PCDH1: variants seen among roughly 807,000 people sequenced by gnomAD.
The protein encoded by PCDH1 is protocadherin 1.
In PCDH1, 23 loss-of-function variants were observed where a neutral mutation model predicts 74.6. The ratio of observed to expected loss-of-function variants is 0.31; its 90% CI spans 0.22 to 0.44. The LOEUF is 0.44. Ranked by LOEUF, PCDH1 falls within the 20% of genes least tolerant of loss-of-function variation. The pLI is 1.00. For synonymous variants in PCDH1, 647 were observed against 686.1 expected (o/e 0.94, Z 0.89); for missense variants, 1,214 against 1,641.4 (o/e 0.74, Z 4.50).
At position 141,863,143 on chromosome 5, in the gene PCDH1, C is replaced by G. The variant is rs1162921582; in HGVS notation, c.3099+89G>C. 12 of 1,471,816 alleles carry G rather than the reference C, an allele frequency of 8.2e-6. No homozygotes were observed. The highest frequency in any genetic ancestry group is 9.9e-6 in the Non-Finnish European group (11 of 1,109,088). The allele number at this position is 1,471,816 out of a possible 1,614,324, so 91.2% of individuals were successfully genotyped here. On this transcript the variant is annotated intron_variant, in intron 3 of 4. Coordinates refer to ENST00000287008, the MANE Select transcript of PCDH1 (RefSeq NM_032420.5). The surrounding 1 kb of genome is among the most constrained non-coding windows in gnomAD (Gnocchi z 7.5). ...AACACGGGCAGGCACAGTAAACCTG[C>G]TCCATCACTCCCACACCTCGGTCCA... is the stretch of plus-strand genomic sequence containing the variant.
chr5:141,862,632 A>G (rs1752610297), intron 3 of PCDH1: 7 of 985,582 alleles, frequency 7.1e-6, no homozygotes, highest in Non-Finnish European at 8.4e-6. Flanking sequence ...TCTCAGTTCC[A>G]GAAAATAAGA....
chr5:141,857,133 C>T (rs1160428577), intron 4 of PCDH1, 119 bp downstream of exon 4: 10 of 800,338 alleles, frequency 1.2e-5, no homozygotes, highest in South Asian at 2.0e-5. Flanking sequence ...GCCCTCAGCA[C>T]GGTGATGATG....
Position 141,857,463 on chromosome 5 carries a change from G to A in PCDH1, c.3108C>T (p.His1036=), listed in dbSNP as rs371869590. The stretch of plus-strand genomic sequence containing the variant: ...TGGTGGCCGAGAAGGTGACGCGGCG[G>A]TGAGGTAACTGCAGGGAGACAGATT... ...PPKYPSKQLP[H]RRVTFSATSQ... Residue 1036 remains histidine (H), a synonymous_variant, in exon 4 of 5, where the codon CAC becomes CAT. Transcript: ENST00000287008. The A allele has an allele frequency of 8.2e-5, 132 of 1,613,378 alleles. No individual in the cohort carries two copies. The highest frequency in any genetic ancestry group is 8.0e-4 in the Admixed American group (48 of 59,924).
Position 141,853,936 on chromosome 5 carries a change from T to C in PCDH1, c.*106A>G. Reference sequence around the variant, plus strand: ...TCAGTGATACCCCCACTTGGGGCCCTGGCCAGGAAGTCCACGCTGAAGGGG... The same window carrying C: ...TCAGTGATACCCCCACTTGGGGCCCCGGCCAGGAAGTCCACGCTGAAGGGG... On this transcript the variant is annotated 3_prime_UTR_variant, in exon 5 of 5. Transcript: ENST00000287008. 1 of 1,075,316 alleles carries C rather than the reference T, an allele frequency of 9.3e-7. No individual in the cohort carries two copies. The highest frequency in any genetic ancestry group is 1.3e-6 in the Non-Finnish European group (1 of 778,584). 66.6% of individuals were successfully genotyped at this position (1,075,316 alleles called of 1,614,324 possible).
At position 141,875,504 on chromosome 5, in the gene PCDH1, C is replaced by A. The variant is rs1018052016; in HGVS notation, c.40+2719G>T. Among the ~76,000 whole-genome samples the A allele has an allele frequency of 5.9e-5, 9 of 152,210 alleles. No individual in the cohort carries two copies. In the East Asian group the frequency reaches 1.7e-3, roughly 29 times the overall value. On this transcript the variant is annotated intron_variant, in intron 1 of 4. Coordinates refer to ENST00000287008, the MANE Select transcript of PCDH1 (RefSeq NM_032420.5). Reference sequence around the variant, plus strand: ...TCCCCGAACCCTGATTCCCACTTAGCTCCTCCCCCACCCTCGCGGCCCCCT... The same window carrying A: ...TCCCCGAACCCTGATTCCCACTTAGATCCTCCCCCACCCTCGCGGCCCCCT...
intron 1 of PCDH1, among the ~76,000 whole-genome samples, chr5:141,877,169 TTG>T: frequency 6.6e-6 from 1 of 152,178 alleles, no homozygotes; most frequent in Admixed American, 6.5e-5. Flanking sequence ...GTGTGTGTGT[TTG>T]TGTGTATGCG....
At chr5:141,873,452 T>TA (rs1753145810) in intron 1 of PCDH1, among the ~76,000 whole-genome samples, 1 of 143,310 alleles carries the variant, frequency 7.0e-6, no homozygotes, top group Non-Finnish European at 1.5e-5. Flanking sequence ...CCTGCAAACG[T>TA]TTTTTTTTTC....
chr5:141,857,245 G>A lies in PCDH1; in HGVS notation c.3319+7C>T, dbSNP rs371327572. ...TGGGGTGCCCTGACCATGGTGCTGC[G>A]CCTCACCATTCTCGGGGTGCTCCAT... On this transcript the variant is annotated splice_region_variant and intron_variant, in intron 4 of 4. Coordinates refer to ENST00000287008, the MANE Select transcript of PCDH1 (RefSeq NM_032420.5). 6.9e-5 allele frequency: 108 copies of A among 1,559,728 alleles called. No homozygotes were observed. Among genetic ancestry groups the A allele is most frequent in the Middle Eastern group, 2.1e-4 (1 of 4,748 alleles).
Position 141,864,692 on chromosome 5 carries a change from G to A in PCDH1, c.1639C>T (p.Pro547Ser), listed in dbSNP as rs771333291. The A allele has an allele frequency of 3.7e-6, 6 of 1,614,138 alleles. No individual in the cohort carries two copies. The highest frequency in any genetic ancestry group is 5.1e-6 in the Non-Finnish European group (6 of 1,180,032). Residue 547 changes from proline to serine, a missense_variant, in exon 3 of 5, where the codon CCT becomes TCT. Pro to Ser is a moderately conservative substitution (Grantham distance 74). Transcript: ENST00000287008. The surrounding 1 kb of genome is among the most constrained non-coding windows in gnomAD (Gnocchi z 5.9). ...AAGAGGCCCTTAGCAGCCGGCTCAG[G>A]CTCCAGAGAGTAAACCAGCTCAGCA... is the stretch of plus-strand genomic sequence containing the variant. ...SNAELVYSLE[P>S]EPAAKGLFTI...
At chr5:141,866,229 TGGCGA>T in intron 2 of PCDH1, 3 of 985,518 alleles carry the variant, frequency 3.0e-6, no homozygotes, top group Non-Finnish European at 3.6e-6. Context: ...TGGCACCGGC[TGGCGA>T]GGCACCAATG....
intron 1 of PCDH1, among the ~76,000 whole-genome samples, chr5:141,874,498 C>A (rs6888135): frequency 0.45 from 68,915 of 152,158 alleles, 17,279 homozygotes; most frequent in East Asian, 0.79. Flanking sequence ...GCGCAGGGAC[C>A]CATGTCCCTC....
At position 141,878,107 on chromosome 5, in the gene PCDH1, G is replaced by T; in HGVS notation, c.40+116C>A. 2 of 959,648 alleles carry T rather than the reference G, an allele frequency of 2.1e-6. No individual in the cohort carries two copies. The highest frequency in any genetic ancestry group is 1.4e-6 in the Non-Finnish European group (1 of 711,780). The allele number at this position is 959,648 out of a possible 1,614,324, so 59.4% of individuals were successfully genotyped here. A position where few individuals can be genotyped will look rare whatever the true frequency, so the allele number is the denominator to read the frequency against. On this transcript the variant is annotated intron_variant, in intron 1 of 4. Coordinates refer to ENST00000287008, the MANE Select transcript of PCDH1 (RefSeq NM_032420.5). This position sits in a 1 kb window ranked among gnomAD's most constrained non-coding sequence, Gnocchi z 5.5. Reference sequence around the variant, plus strand: ...CCCCACCTCAGCCCCCTCGCGCCGAGCTCGTGTTGGGCCCCCGCGGCCTCG... The same window carrying T: ...CCCCACCTCAGCCCCCTCGCGCCGATCTCGTGTTGGGCCCCCGCGGCCTCG...
At chr5:141,876,673 G>A (rs528694363) in intron 1 of PCDH1, among the ~76,000 whole-genome samples, 160 of 152,352 alleles carry the variant, frequency 1.1e-3, no homozygotes, top group African/African-American at 3.6e-3. Context: ...TCCTATGCCT[G>A]CCGCGATCTC....
In PCDH1 at chr5:141,863,301, C is replaced by A; in HGVS notation, c.3030G>T (p.Thr1010=). ...ANTFVGTGDT[T]STGSEQYSDY... Reference sequence around the variant, plus strand: ...CGGAGTACTGCTCAGAGCCCGTGGACGTGGTGTCCCCGGTGCCCACGAATG... The same window carrying A: ...CGGAGTACTGCTCAGAGCCCGTGGAAGTGGTGTCCCCGGTGCCCACGAATG... The change falls in exon 3 of 5, where the codon ACG becomes ACT. Residue 1010 remains threonine, a synonymous_variant. Transcript: ENST00000287008. The surrounding 1 kb of genome is among the most constrained non-coding windows in gnomAD (Gnocchi z 7.5). 1 of 1,570,068 alleles carries A rather than the reference C, an allele frequency of 6.4e-7. No individual in the cohort carries two copies. The highest frequency in any genetic ancestry group is 1.7e-4 in the Middle Eastern group (1 of 5,848).
intron 1 of PCDH1, among the ~76,000 whole-genome samples, chr5:141,875,750 C>A (rs1753210847): frequency 6.6e-6 from 1 of 152,170 alleles, no homozygotes; most frequent in African/African-American, 2.4e-5. Flanking sequence ...GCCTCCCTAT[C>A]ACACTGCCTC....
Position 141,878,271 on chromosome 5 carries a change from G to T in PCDH1, c.-9C>A. The T allele has an allele frequency of 7.8e-7, 1 of 1,290,156 alleles. No individual in the cohort carries two copies. The highest frequency in any genetic ancestry group is 9.8e-7 in the Non-Finnish European group (1 of 1,023,372). 79.9% of individuals were successfully genotyped at this position (1,290,156 alleles called of 1,614,324 possible). A position where few individuals can be genotyped will look rare whatever the true frequency, so the allele number is the denominator to read the frequency against. The stretch of plus-strand genomic sequence containing the variant: ...CCCGCCCCGCTGTCCATGAGCCGCC[G>T]CCGGCCCCGGCCTGGGCTGCGGCTC... On this transcript the variant is annotated 5_prime_UTR_variant, in exon 1 of 5. Transcript: ENST00000287008. This position sits in a 1 kb window ranked among gnomAD's most constrained non-coding sequence, Gnocchi z 5.5.
chr5:141,876,892 A>C (rs1336336118), intron 1 of PCDH1, among the ~76,000 whole-genome samples: 1 of 152,218 alleles, frequency 6.6e-6, no homozygotes, highest in African/African-American at 2.4e-5. Flanking sequence ...CACCCTCTAC[A>C]AAGGAACCTG....
chr5:141,878,270 C>G lies in PCDH1; in HGVS notation c.-8G>C. ...GCCCGCCCCGCTGTCCATGAGCCGC[C>G]GCCGGCCCCGGCCTGGGCTGCGGCT... On this transcript the variant is annotated 5_prime_UTR_variant, in exon 1 of 5. Transcript: ENST00000287008. The surrounding 1 kb of genome is among the most constrained non-coding windows in gnomAD (Gnocchi z 5.5). The G allele has an allele frequency of 7.7e-7, 1 of 1,303,088 alleles. No individual in the cohort carries two copies. Among genetic ancestry groups the G allele is most frequent in the Non-Finnish European group, 9.7e-7 (1 of 1,029,822 alleles). The allele number at this position is 1,303,088 out of a possible 1,614,324, so 80.7% of individuals were successfully genotyped here.
At chr5:141,870,653 A>T (rs1753070123) in intron 1 of PCDH1, among the ~76,000 whole-genome samples, 1 of 151,724 alleles carries the variant, frequency 6.6e-6, no homozygotes, top group South Asian at 2.1e-4. Context: ...CTAGTCAACC[A>T]CAAGCTGTAC....
Sources: allele counts gnomAD v4.1 joint callset (sites outside exome capture counted in the v4.1 genomes callset), GRCh38; gene constraint gnomAD v4.1.1; non-coding constraint Gnocchi (gnomAD v3.1); transcripts MANE v1.5; gene names NCBI Gene and HGNC (gene_info 2026-07-23, HGNC 2026-07-21).